The following DMXL2 variants were observed in gnomAD, a reference collection of about 807,000 sequenced individuals.
DMXL2 encodes Dmx like 2.
A neutral mutation model predicts 331.1 loss-of-function variants in DMXL2; 103 were observed. The observed-to-expected ratio is 0.31, with a 90% CI of 0.27 to 0.37. The LOEUF (loss-of-function observed/expected upper bound fraction) is 0.37. DMXL2 is among the 10% of genes least tolerant of loss of function. DMXL2 has a pLI of 1.00. For synonymous variants in DMXL2, 1,281 were observed against 1,252.1 expected, an observed-to-expected ratio of 1.02 and a Z score of -0.49; for missense variants, 3,171 against 3,642.9, an observed-to-expected ratio of 0.87 and a Z score of 3.33.
intron 6 of DMXL2, among the ~76,000 whole-genome samples, chr15:51,554,062 G>A (rs1596237071): frequency 6.6e-6 from 1 of 152,158 alleles, no homozygotes; most frequent in Non-Finnish European, 1.5e-5. Flanking sequence ...ATATTTAAAA[G>A]GAGGCAATAG....
Position 51,474,577 on chromosome 15 carries a change from A to G in DMXL2, c.6980T>C (p.Ile2327Thr), listed in dbSNP as rs752650928. Residue 2327 changes from isoleucine (I) to threonine (T), a missense_variant, in exon 28 of 44, where the codon ATT (isoleucine) becomes ACT (threonine). Physicochemically the swap from Ile to Thr is moderately conservative, Grantham distance 89 (BLOSUM62 -1). Transcript: ENST00000560891. ...ATCTTGGGCTGAACTCAAAAGATTA[A>G]TAAGTGAGCTCACACCTATAAGGGT... ...PAQWPGVSSL[I>T]NLLSSAQDED... 1.2e-6 allele frequency: 2 copies of G among 1,613,966 alleles called. No individual in the cohort carries two copies. The highest frequency in any genetic ancestry group is 2.2e-5 in the East Asian group (1 of 44,868).
At chr15:51,598,756 T>C (rs2053016676) in intron 1 of DMXL2, among the ~76,000 whole-genome samples, 1 of 152,212 alleles carries the variant, frequency 6.6e-6, no homozygotes. Context: ...CAGGTGGCAC[T>C]TCTGTTAATT....
intron 6 of DMXL2, among the ~76,000 whole-genome samples, chr15:51,562,150 T>C (rs1169217406): frequency 6.6e-6 from 1 of 152,146 alleles, no homozygotes; most frequent in Non-Finnish European, 1.5e-5. Context: ...GATAAACATT[T>C]GAGGTGATGG....
intron 6 of DMXL2, among the ~76,000 whole-genome samples, chr15:51,554,315 A>T (rs997040077): frequency 1.3e-5 from 2 of 152,238 alleles, no homozygotes; most frequent in African/African-American, 4.8e-5. Flanking sequence ...GAGTAACAAA[A>T]AAAAGACAAA....
intron 8 of DMXL2, 116 bp downstream of exon 8, chr15:51,545,467 G>T: frequency 1.2e-6 from 1 of 816,712 alleles, no homozygotes; most frequent in Non-Finnish European, 1.9e-6. Flanking sequence ...AGAGTTTATT[G>T]CTATTAATTT....
intron 6 of DMXL2, among the ~76,000 whole-genome samples, chr15:51,554,762 T>G (rs2049444615): frequency 6.6e-6 from 1 of 152,194 alleles, no homozygotes. Context: ...GCATGGAGCA[T>G]GCTAAACCAT....
At position 51,622,687 on chromosome 15, in the gene DMXL2, C is replaced by T. The variant is rs372064075; in HGVS notation, c.-142G>A. 3.8e-5 allele frequency: 53 copies of T among 1,410,236 alleles called. No individual in the cohort carries two copies. Among genetic ancestry groups the T allele is most frequent in the African/African-American group, 7.4e-5 (5 of 67,550 alleles). 87.4% of individuals were successfully genotyped at this position (1,410,236 alleles called of 1,614,324 possible). A position where few individuals can be genotyped will look rare whatever the true frequency, so the allele number is the denominator to read the frequency against. On this transcript the variant is annotated 5_prime_UTR_variant, in exon 1 of 44. Coordinates refer to ENST00000560891, the MANE Select transcript of DMXL2 (RefSeq NM_001378457.1). ...AGGCTCTGGCTTAACTCCTCGCCCCCCTTTCGCCTTCCCTCCGCCTCGTCC... is the reference window on the plus strand; with the variant it reads ...AGGCTCTGGCTTAACTCCTCGCCCCTCTTTCGCCTTCCCTCCGCCTCGTCC...
chr15:51,607,401 A>G (rs1479094755), intron 1 of DMXL2, among the ~76,000 whole-genome samples: 1 of 152,236 alleles, frequency 6.6e-6, no homozygotes, highest in African/African-American at 2.4e-5. Flanking sequence ...GCTTGCAGTG[A>G]GCCGAGACCG....
At chr15:51,532,223 T>C (rs960740353) in intron 13 of DMXL2, among the ~76,000 whole-genome samples, 1 of 152,150 alleles carries the variant, frequency 6.6e-6, no homozygotes, top group Admixed American at 6.5e-5. Flanking sequence ...TTCCGTCATT[T>C]TGCAGCAACA....
rs773069486 is a variant in DMXL2 at position 51,464,856 on chromosome 15, A to G, written c.7627T>C (p.Leu2543=). The G allele has an allele frequency of 4.3e-6, 7 of 1,613,842 alleles. No individual in the cohort carries two copies. The South Asian group carries it at 7.7e-5, about 18-fold the overall frequency. The part of the protein sequence containing the change: ...EFSELPVTSP[L]GIAVIKNLEN... ...AAGTTTTTAATCACAGCAATACCTA[A>G]TGGTGATGTTACAGGCAGCTCTACA... Residue 2543 remains leucine, a synonymous_variant, in exon 32 of 44, where the codon TTA becomes CTA. Transcript: ENST00000560891.
At chr15:51,496,843 T>A (rs1210147862) in intron 18 of DMXL2, among the ~76,000 whole-genome samples, 1 of 152,168 alleles carries the variant, frequency 6.6e-6, no homozygotes, top group African/African-American at 2.4e-5. Flanking sequence ...AAGAACTCAT[T>A]TACTTAGAAT....
chr15:51,528,844 C>G (rs6493503), intron 13 of DMXL2, among the ~76,000 whole-genome samples: 67,420 of 151,852 alleles, frequency 0.44, 15,587 homozygotes, highest in Non-Finnish European at 0.5. Flanking sequence ...TTCTCGAGGA[C>G]AGACCATACG....
intron 28 of DMXL2, 119 bp downstream of exon 28, chr15:51,474,225 G>A (rs367842926): frequency 1.1e-6 from 1 of 897,042 alleles, no homozygotes. Flanking sequence ...CATAACAAGA[G>A]TGATTATACT....
intron 3 of DMXL2, chr15:51,567,501 G>C (rs2050371687): frequency 6.6e-6 from 1 of 152,110 alleles, no homozygotes; most frequent in African/African-American, 2.4e-5. Flanking sequence ...TTTTTAAAGG[G>C]TGGTCAAGGT....
rs767142853 is a variant in DMXL2 at position 51,514,559 on chromosome 15, A to G, written c.2527T>C (p.Cys843Arg). Residue 843 changes from cysteine (C) to arginine (R), a missense_variant and splice_region_variant, in exon 15 of 44, where the codon TGT (cysteine) becomes CGT (arginine). Physicochemically the swap from Cys to Arg is radical, Grantham distance 180 (BLOSUM62 -3). This residue lies in a region of DMXL2 where 1,674 missense variants were observed against 1,780.2 expected (regional missense o/e 0.94). Coordinates refer to ENST00000560891, the MANE Select transcript of DMXL2 (RefSeq NM_001378457.1). Reference sequence around the variant, plus strand: ...TGAAGCAACTGTGTATTTGAGCCACACTACAAATACAAAAAAAAATGAAGA... The same window carrying G: ...TGAAGCAACTGTGTATTTGAGCCACGCTACAAATACAAAAAAAAATGAAGA... ...IIELDAITNQ[C>R]GSNTQLLHVF... is the part of the protein sequence containing the mutation. 10 of 1,550,570 alleles carry G rather than the reference A, an allele frequency of 6.4e-6. No homozygotes were observed. The highest frequency in any genetic ancestry group is 1.4e-5 in the African/African-American group (1 of 71,928).
chr15:51,601,975 T>C (rs991419290), intron 1 of DMXL2, among the ~76,000 whole-genome samples: 2 of 152,212 alleles, frequency 1.3e-5, no homozygotes, highest in Non-Finnish European at 2.9e-5. Flanking sequence ...TCCTTTTTGA[T>C]GGTATGAAAA....
In DMXL2 at chr15:51,502,877, G is replaced by C; in HGVS notation, c.2921C>G (p.Ser974Cys). 1 of 1,614,048 alleles carries C rather than the reference G, an allele frequency of 6.2e-7. No homozygotes were observed. The highest frequency in any genetic ancestry group is 1.1e-5 in the South Asian group (1 of 91,072). ...LQTASKLILSSRLVYSQPLDL... is the reference protein window; with the variant it reads ...LQTASKLILSCRLVYSQPLDL... Reference sequence around the variant, plus strand: ...AAGGGGTTGGCTATACACCAGTCTAGAACTCAGAATAAGTTTACTGGCAGT... The same window carrying C: ...AAGGGGTTGGCTATACACCAGTCTACAACTCAGAATAAGTTTACTGGCAGT... Residue 974 changes from serine (S) to cysteine (C), a missense_variant, in exon 17 of 44, where the codon TCT becomes TGT. Physicochemically the swap from Ser to Cys is moderately radical, Grantham distance 112. Transcript: ENST00000560891.
At chr15:51,610,755 G>A (rs1310738343) in intron 1 of DMXL2, among the ~76,000 whole-genome samples, 12 of 143,960 alleles carry the variant, frequency 8.3e-5, no homozygotes, top group Admixed American at 3.5e-4. Flanking sequence ...GCGACAGAGC[G>A]AGACTCCATC....
chr15:51,556,158 AC>A (rs1373455254), intron 6 of DMXL2, among the ~76,000 whole-genome samples: 1 of 151,830 alleles, frequency 6.6e-6, no homozygotes, highest in Non-Finnish European at 1.5e-5. Flanking sequence ...CCTGGCTAAC[AC>A]GGTGAAACCC....
Sources: allele counts gnomAD v4.1 joint callset (sites outside exome capture counted in the v4.1 genomes callset), GRCh38; gene constraint gnomAD v4.1.1; regional missense constraint gnomAD v4.1.1; transcripts MANE v1.5; gene names NCBI Gene and HGNC (gene_info 2026-07-23, HGNC 2026-07-21).